The following MDM1 variants were observed in gnomAD, a reference collection of about 807,000 sequenced individuals.
MDM1 encodes the protein stabilizer of axonemal microtubules 6, also known as Mdm1 nuclear protein.
MDM1 carries 61 observed loss-of-function variants against 89.1 expected under a neutral mutation model. That is an observed-to-expected ratio of 0.68 (90% confidence interval 0.56 to 0.85). The LOEUF is 0.85. Ranked by LOEUF, MDM1 falls within the 40% of genes least tolerant of loss-of-function variation. MDM1 has a pLI of 0.00. For synonymous variants in MDM1, 290 were observed against 294.1 expected (o/e 0.99, Z 0.14); for missense variants, 820 against 846.5 (o/e 0.97, Z 0.39).
chr12:68,331,853 A>C (rs1201061628), intron 1 of MDM1: 1 of 474,094 alleles, frequency 2.1e-6, no homozygotes, highest in Non-Finnish European at 4.0e-6. Flanking sequence ...AGCCACATAC[A>C]CTAAAGTTTT....
chr12:68,330,903 C>T (rs951067739), intron 2 of MDM1: 3 of 520,998 alleles, frequency 5.8e-6, no homozygotes, highest in Non-Finnish European at 1.0e-5. Flanking sequence ...GCCTGCCACA[C>T]TAGCTGCTGG....
chr12:68,328,821 T>A (rs1402781188), intron 2 of MDM1, among the ~76,000 whole-genome samples: 1 of 152,160 alleles, frequency 6.6e-6, no homozygotes, highest in East Asian at 1.9e-4. Context: ...TCGGTAACAC[T>A]GCTGTTGTTT....
chr12:68,325,299 A>T, intron 4 of MDM1, 142 bp downstream of exon 4: 1 of 1,348,090 alleles, frequency 7.4e-7, no homozygotes, highest in Non-Finnish European at 9.6e-7. Context: ...GGATGATTTT[A>T]GCAAAACTCT....
intron 7 of MDM1, among the ~76,000 whole-genome samples, chr12:68,318,908 T>C (rs1313631245): frequency 1.3e-5 from 2 of 152,102 alleles, no homozygotes; most frequent in Admixed American, 1.3e-4. Context: ...GGATAAAAAC[T>C]CCTTTTACCC....
In MDM1 at chr12:68,296,907, G is replaced by T; in HGVS notation, c.2062+16C>A. 1 of 1,564,800 alleles carries T rather than the reference G, an allele frequency of 6.4e-7. No homozygotes were observed. The stretch of plus-strand genomic sequence containing the variant: ...ACTAGAACTCAAACTTTTATGTTAT[G>T]TGACTACTGAAATACCTTCATCATT... On this transcript the variant is annotated intron_variant, in intron 14 of 14. Coordinates refer to ENST00000682720, the MANE Select transcript of MDM1 (RefSeq NM_001354969.2).
At chr12:68,313,419 C>A (rs779927440) in intron 12 of MDM1, 24 bp downstream of exon 12, 3 of 1,520,572 alleles carry the variant, frequency 2.0e-6, no homozygotes, top group East Asian at 4.5e-5. Flanking sequence ...AGATGAGATG[C>A]TTTTTTCCCC....
intron 12 of MDM1, among the ~76,000 whole-genome samples, chr12:68,304,317 A>G (rs953923439): frequency 2.0e-5 from 3 of 152,194 alleles, no homozygotes; most frequent in Admixed American, 2.0e-4. Flanking sequence ...TACAGTTCCA[A>G]ACTTTCCTGA....
chr12:68,309,557 C>T (rs1357732418), intron 12 of MDM1, among the ~76,000 whole-genome samples: 4 of 152,184 alleles, frequency 2.6e-5, no homozygotes, highest in Non-Finnish European at 5.9e-5. Flanking sequence ...ATTGCCATAG[C>T]ATGTGGGTAA....
At chr12:68,305,290 T>C (rs563076454) in intron 12 of MDM1, among the ~76,000 whole-genome samples, 3 of 152,258 alleles carry the variant, frequency 2.0e-5, no homozygotes, top group Non-Finnish European at 1.5e-5. Flanking sequence ...GAGCCATCTA[T>C]GACAAACCCA....
chr12:68,316,430 C>A, intron 8 of MDM1, 151 bp downstream of exon 8: 1 of 943,080 alleles, frequency 1.1e-6, no homozygotes, highest in Non-Finnish European at 1.6e-6. Context: ...AACAATCAAG[C>A]TAAAGCATGA....
At chr12:68,328,982 TCA>T (rs1876404859) in intron 2 of MDM1, among the ~76,000 whole-genome samples, 1 of 152,220 alleles carries the variant, frequency 6.6e-6, no homozygotes, top group Non-Finnish European at 1.5e-5. Context: ...TCTCATGGTC[TCA>T]TTTCATCACC....
chr12:68,327,091 C>T lies in MDM1; in HGVS notation c.134-70G>A, dbSNP rs562811341. On this transcript the variant is annotated intron_variant, in intron 2 of 14. Coordinates refer to ENST00000682720, the MANE Select transcript of MDM1 (RefSeq NM_001354969.2). ...GTTACAAAGACAACTTTTAAGAACA[C>T]TTGTGGAGGAGAAATGAAATTTTAA... The T allele has an allele frequency of 6.7e-6, 10 of 1,498,416 alleles. No homozygotes were observed. In the East Asian group the frequency reaches 2.3e-4, roughly 34 times the overall value. 92.8% of individuals were successfully genotyped at this position (1,498,416 alleles called of 1,614,324 possible).
chr12:68,317,453 T>C (rs116178587), intron 7 of MDM1, among the ~76,000 whole-genome samples: 1,595 of 152,032 alleles, frequency 0.01, 26 homozygotes, highest in African/African-American at 0.036. Context: ...AAAGCAATTG[T>C]AGAAACATAG....
At position 68,316,602 on chromosome 12, in the gene MDM1, T is replaced by C. The variant is rs760322366; in HGVS notation, c.1014A>G (p.Leu338=). Residue 338 remains leucine, a synonymous_variant, in exon 8 of 15, where the codon CTA becomes CTG. Coordinates refer to ENST00000682720, the MANE Select transcript of MDM1 (RefSeq NM_001354969.2). ...CAACCTCAGCATACCACATGGCATT[T>C]AGAGAACCCTAGAGAAGGAATACAG... The part of the protein sequence containing the change: ...VKGNMPNQGS[L]NAMWYAEVKE... 3.9e-6 allele frequency: 6 copies of C among 1,534,684 alleles called. No individual in the cohort carries two copies. The highest frequency in any genetic ancestry group is 2.4e-5 in the South Asian group (2 of 83,960).
rs1872320726 is a variant in MDM1, at chr12:68,302,615, A to G, written c.2002+5T>C. ...AAGACAAAAAATTAAAACCAAAATA[A>G]TTACCATTGTGCTGAAACTCTGGAT... On this transcript the variant is annotated splice_donor_5th_base_variant and intron_variant, in intron 13 of 14. Coordinates refer to ENST00000682720, the MANE Select transcript of MDM1 (RefSeq NM_001354969.2). 1.9e-6 allele frequency: 3 copies of G among 1,602,326 alleles called. No individual in the cohort carries two copies. Among genetic ancestry groups the G allele is most frequent in the African/African-American group, 2.7e-5 (2 of 74,264 alleles).
chr12:68,295,498 A>C, intron 14 of MDM1, 132 bp from the exon 15 acceptor site: 1 of 576,206 alleles, frequency 1.7e-6, no homozygotes, highest in East Asian at 3.3e-5. Context: ...GAAAAAAAGT[A>C]ATCTACTGAA....
Position 68,295,383 on chromosome 12 carries a change from C to G in MDM1, c.2063-17G>C. 6.6e-7 allele frequency: 1 copy of G among 1,524,344 alleles called. No homozygotes were observed. Among genetic ancestry groups the G allele is most frequent in the African/African-American group, 1.4e-5 (1 of 72,610 alleles). 94.4% of individuals were successfully genotyped at this position (1,524,344 alleles called of 1,614,324 possible). A position where few individuals can be genotyped will look rare whatever the true frequency, so the allele number is the denominator to read the frequency against. Reference sequence around the variant, plus strand: ...TGTCCTCATCTGCAATGAAAAAATCCCGAGATTATATTCATTGCCAAAAAT... The same window carrying G: ...TGTCCTCATCTGCAATGAAAAAATCGCGAGATTATATTCATTGCCAAAAAT... On this transcript the variant is annotated splice_polypyrimidine_tract_variant and intron_variant, in intron 14 of 14. Transcript: ENST00000682720.
chr12:68,302,180 C>G (rs1872254483), intron 13 of MDM1, among the ~76,000 whole-genome samples: 1 of 152,082 alleles, frequency 6.6e-6, no homozygotes, highest in African/African-American at 2.4e-5. Context: ...CATAGAAGAT[C>G]CAGAATAAAA....
chr12:68,323,524 G>GT (rs1317550304), intron 4 of MDM1: 29 of 196,944 alleles, frequency 1.5e-4, no homozygotes, highest in African/African-American at 5.1e-4. Flanking sequence ...AGGCAACTCT[G>GT]TTGTCAGTTC....
Sources: allele counts gnomAD v4.1 joint callset (sites outside exome capture counted in the v4.1 genomes callset), GRCh38; gene constraint gnomAD v4.1.1; transcripts MANE v1.5; gene names NCBI Gene and HGNC (gene_info 2026-07-23, HGNC 2026-07-21).